DHRS4L2: variants seen among roughly 807,000 people sequenced by gnomAD.
The protein encoded by DHRS4L2 is dehydrogenase/reductase 4 like 2.
Under a neutral mutation model 23.9 loss-of-function variants are expected in DHRS4L2, and 22 were observed. That is an observed-to-expected ratio of 0.92 (90% CI 0.66 to 1.31). The LOEUF is 1.31. Among genes scored for constraint, DHRS4L2 ranks in the 40% most tolerant of loss-of-function variants. The probability of loss-of-function intolerance (pLI) is 0.00; values close to 1 mark genes in which losing one functional copy is unlikely to be tolerated. For missense variants in DHRS4L2, 385 were observed against 303.3 expected (o/e 1.27, Z -2.00); for synonymous variants, 141 against 123.7 (o/e 1.14, Z -0.93).
At position 23,993,070 on chromosome 14, in the gene DHRS4L2, T is replaced by C. The variant is rs561569606; in HGVS notation, c.307-1962T>C. ...TGACAGACCTGGAAGGAGAGGAGTA[T>C]GGGGTATACAGCAGAGTAGAAAATG... On this transcript the variant is annotated intron_variant, in intron 2 of 7. Transcript: ENST00000335125. Among the ~76,000 whole-genome samples, 66 of 149,160 alleles carry C rather than the reference T, an allele frequency of 4.4e-4. 2 individuals are homozygous for C. Among genetic ancestry groups the C allele is most frequent in the Admixed American group, 3.7e-3 (55 of 15,006 alleles).
chr14:23,982,333 C>A (rs113641504), intron 1 of DHRS4L2, among the ~76,000 whole-genome samples: 12,551 of 151,656 alleles, frequency 0.083, 857 homozygotes, highest in East Asian at 0.2. Flanking sequence ...CCATAAAACA[C>A]ATGTTTCTGT....
chr14:23,992,050 G>A (rs1353827371), intron 2 of DHRS4L2, among the ~76,000 whole-genome samples: 1 of 151,560 alleles, frequency 6.6e-6, no homozygotes, highest in Non-Finnish European at 1.5e-5. Context: ...TTCTTAAAAG[G>A]ATACGTTAAG....
At chr14:23,977,807 AC>A (rs1370283742) in intron 1 of DHRS4L2, among the ~76,000 whole-genome samples, 5 of 151,714 alleles carry the variant, frequency 3.3e-5, no homozygotes, top group African/African-American at 1.2e-4. Context: ...CTTTGCTTAG[AC>A]CAGATGACAA....
In DHRS4L2 at chr14:24,001,421, T is replaced by A; in HGVS notation, c.569T>A (p.Leu190Gln). The A allele has an allele frequency of 6.2e-7, 1 of 1,608,094 alleles. No individual in the cohort carries two copies. The highest frequency in any genetic ancestry group is 1.1e-5 in the South Asian group (1 of 90,862). Reference sequence around the variant, plus strand: ...TACAATGTCAGTAAAACAGCCTTGCTGGGCCTCAACAATACCCTGGCCATA... The same window carrying A: ...TACAATGTCAGTAAAACAGCCTTGCAGGGCCTCAACAATACCCTGGCCATA... ...SPYNVSKTAL[L>Q]GLNNTLAIEL... The change falls in exon 6 of 8, where the codon CTG becomes CAG. Residue 190 changes from leucine (L) to glutamine (Q), a missense_variant. Coordinates refer to ENST00000335125, the MANE Select transcript of DHRS4L2 (RefSeq NM_198083.4).
At chr14:24,000,836 T>A in intron 3 of DHRS4L2, 27 bp from the exon 4 acceptor site, 1 of 1,594,782 alleles carries the variant, frequency 6.3e-7, no homozygotes, top group Non-Finnish European at 8.6e-7. Context: ...TCACTCATGC[T>A]GTTTCCCCTT....
At chr14:23,986,568 C>A (rs1376181446), upstream of DHRS4L2, among the ~76,000 whole-genome samples, 1 of 151,294 alleles carries the variant, frequency 6.6e-6, no homozygotes, top group South Asian at 2.1e-4. Flanking sequence ...AATAGCAACC[C>A]TGCCCACACA....
chr14:23,990,424 C>G, intron 2 of DHRS4L2, 65 bp downstream of exon 2: 1 of 1,528,120 alleles, frequency 6.5e-7, no homozygotes, highest in Admixed American at 2.1e-5. Flanking sequence ...GAGCCTCCTT[C>G]CCTGCTTTCC....
At chr14:23,975,877 A>G (rs551219648) in intron 1 of DHRS4L2, among the ~76,000 whole-genome samples, 1 of 151,860 alleles carries the variant, frequency 6.6e-6, no homozygotes, top group Non-Finnish European at 1.5e-5. Context: ...TATTTAATAA[A>G]TGGTGCTGGG....
At chr14:23,993,616 C>A (rs187669563) in intron 2 of DHRS4L2, among the ~76,000 whole-genome samples, 2 of 151,770 alleles carry the variant, frequency 1.3e-5, no homozygotes, top group Admixed American at 1.3e-4. Flanking sequence ...CTTGGCCATT[C>A]ATTACTCTAG....
intron 1 of DHRS4L2, among the ~76,000 whole-genome samples, chr14:23,977,808 C>A (rs927961324): frequency 6.6e-6 from 1 of 151,484 alleles, no homozygotes; most frequent in Non-Finnish European, 1.5e-5. Flanking sequence ...TTTGCTTAGA[C>A]CAGATGACAA....
chr14:24,000,073 A>G (rs961934173), intron 3 of DHRS4L2, among the ~76,000 whole-genome samples: 6 of 138,330 alleles, frequency 4.3e-5, no homozygotes, highest in African/African-American at 1.8e-4. Context: ...AAAATCTTTC[A>G]GAAAACTTGC....
At chr14:23,977,844 A>T (rs1281230466) in intron 1 of DHRS4L2, among the ~76,000 whole-genome samples, 1 of 151,618 alleles carries the variant, frequency 6.6e-6, no homozygotes, top group Non-Finnish European at 1.5e-5. Flanking sequence ...GCACCCTCTA[A>T]AAAACATGTT....
At chr14:23,988,864 G>T (rs1259682322), upstream of DHRS4L2, 5 of 1,525,624 alleles carry the variant, frequency 3.3e-6, no homozygotes, top group East Asian at 2.3e-5. Flanking sequence ...AGGCAGGGAA[G>T]CGGCCCGCCC....
At chr14:23,971,076 C>T (rs778712404) in intron 1 of DHRS4L2, among the ~76,000 whole-genome samples, 14 of 152,150 alleles carry the variant, frequency 9.2e-5, no homozygotes, top group Admixed American at 7.2e-4. Flanking sequence ...CTTCCAGAAA[C>T]CAGAACGTCT....
upstream of DHRS4L2, among the ~76,000 whole-genome samples, chr14:23,984,622 C>T (rs2034107961): frequency 6.6e-6 from 1 of 151,052 alleles, no homozygotes; most frequent in African/African-American, 2.4e-5. Context: ...TGGTGAAACC[C>T]CATCTCTACT....
intron 1 of DHRS4L2, among the ~76,000 whole-genome samples, chr14:23,973,720 ACCC>A (rs1227329994): frequency 4.0e-5 from 6 of 151,786 alleles, no homozygotes; most frequent in Admixed American, 3.9e-4. Flanking sequence ...ATATATATGC[ACCC>A]AATACAGGAG....
At chr14:23,983,684 T>C (rs1446315916) in intron 1 of DHRS4L2, among the ~76,000 whole-genome samples, 4 of 151,658 alleles carry the variant, frequency 2.6e-5, no homozygotes, top group Non-Finnish European at 5.9e-5. Flanking sequence ...ATATACACCA[T>C]GGAATACTAT....
chr14:23,991,466 A>G (rs1461377024), intron 2 of DHRS4L2, among the ~76,000 whole-genome samples: 1 of 151,808 alleles, frequency 6.6e-6, no homozygotes, highest in African/African-American at 2.4e-5. Context: ...ATCCTCCTAG[A>G]AAAACAACCT....
intron 1 of DHRS4L2, among the ~76,000 whole-genome samples, chr14:23,977,106 T>C (rs1242195368): frequency 2.0e-5 from 3 of 151,712 alleles, no homozygotes; most frequent in African/African-American, 7.3e-5. Flanking sequence ...AGTATAATAA[T>C]AAAAAAAGAA....
Sources: gnomAD v4.1 joint callset for allele counts (sites outside exome capture counted in the v4.1 genomes callset) on GRCh38, gnomAD v4.1.1 for gene constraint, MANE v1.5 for transcripts, NCBI Gene and HGNC (gene_info 2026-07-23, HGNC 2026-07-21) for gene names.